TOX3: variants seen among roughly 807,000 people sequenced by gnomAD.
The protein encoded by TOX3 is CAG trinucleotide repeat-containing gene F9 protein.
Under a neutral mutation model 64.3 loss-of-function variants are expected in TOX3, and 22 were observed. That is an observed-to-expected ratio of 0.34 (90% CI 0.24 to 0.49). TOX3 has a LOEUF of 0.49. Among genes scored for constraint, TOX3 ranks in the 20% least tolerant of loss-of-function variants. The probability of loss-of-function intolerance (pLI) is 0.99; values close to 1 mark genes in which losing one functional copy is unlikely to be tolerated. For missense variants in TOX3, 661 were observed against 714.4 expected (o/e 0.93, Z 0.85); for synonymous variants, 291 against 273.6 (o/e 1.06, Z -0.63).
chr16:52,535,481 G>A (rs1596867303), intron 1 of TOX3, among the ~76,000 whole-genome samples: 1 of 152,294 alleles, frequency 6.6e-6, no homozygotes, highest in Non-Finnish European at 1.5e-5. Flanking sequence ...TGAGCCATAA[G>A]GATAAGGGTC....
chr16:52,546,840 G>A lies in TOX3; in HGVS notation c.-117C>T. ...CGCCCGGGGGTGGCGCGTGGGACTCGCGGCCGGAGGGGCGCCGGGACCCAG... is the reference window on the plus strand; with the variant it reads ...CGCCCGGGGGTGGCGCGTGGGACTCACGGCCGGAGGGGCGCCGGGACCCAG... On this transcript the variant is annotated 5_prime_UTR_variant, in exon 1 of 7. Transcript: ENST00000219746. 5 of 1,241,286 alleles carry A rather than the reference G, an allele frequency of 4.0e-6. No homozygotes were observed. Among genetic ancestry groups the A allele is most frequent in the Non-Finnish European group, 4.0e-6 (4 of 992,352 alleles). The allele number at this position is 1,241,286 out of a possible 1,614,324, so 76.9% of individuals were successfully genotyped here.
chr16:52,453,479 C>T (rs750873811), intron 3 of TOX3, among the ~76,000 whole-genome samples: 6 of 152,086 alleles, frequency 3.9e-5, no homozygotes, highest in Non-Finnish European at 7.4e-5. Context: ...GCACCGTGCC[C>T]GGCCCAGAAT....
chr16:52,478,812 G>T (rs1391476597), intron 1 of TOX3, among the ~76,000 whole-genome samples: 2 of 152,080 alleles, frequency 1.3e-5, no homozygotes, highest in African/African-American at 4.8e-5. Context: ...ACTGGGCTTT[G>T]CAAGAAGAAG....
intron 1 of TOX3, among the ~76,000 whole-genome samples, chr16:52,510,493 C>T (rs894283023): frequency 7.2e-5 from 11 of 152,098 alleles, no homozygotes; most frequent in African/African-American, 2.7e-4. Context: ...CGGTGGCTCA[C>T]GCCTGTAATC....
At chr16:52,519,590 G>GAA in intron 1 of TOX3, 37 of 1,230,598 alleles carry the variant, frequency 3.0e-5, no homozygotes, top group Admixed American at 2.0e-4. Context: ...CTGAGCAGAC[G>GAA]AAAAAAAAAA....
In TOX3 at chr16:52,495,746, T is replaced by C. The variant is rs45439792; in HGVS notation, c.88-27172A>G. ...ATATACAACCTCCAAATTCTTCCACTAGGCACTTGATCCTAAAATTTCACC... is the reference window on the plus strand; with the variant it reads ...ATATACAACCTCCAAATTCTTCCACCAGGCACTTGATCCTAAAATTTCACC... On this transcript the variant is annotated intron_variant, in intron 1 of 6. Transcript: ENST00000219746. Among the ~76,000 whole-genome samples, 974 of 152,308 alleles carry C rather than the reference T, an allele frequency of 6.4e-3. 4 individuals are homozygous for C. Among genetic ancestry groups the C allele is most frequent in the Non-Finnish European group, 0.01 (683 of 68,018 alleles).
At chr16:52,506,531 C>T (rs1485163261) in intron 1 of TOX3, among the ~76,000 whole-genome samples, 1 of 152,228 alleles carries the variant, frequency 6.6e-6, no homozygotes, top group East Asian at 1.9e-4. Context: ...GGATTCTTGG[C>T]CCTTCTTTTA....
upstream of TOX3, chr16:52,547,341 C>T (rs1963223463): frequency 6.7e-6 from 1 of 148,688 alleles, no homozygotes; most frequent in East Asian, 2.0e-4. Context: ...GCGGCCGCCC[C>T]CTCTCCGGGG....
chr16:52,541,296 C>T (rs1963073203), intron 1 of TOX3, among the ~76,000 whole-genome samples: 1 of 152,296 alleles, frequency 6.6e-6, no homozygotes, highest in African/African-American at 2.4e-5. Flanking sequence ...TGTCTGGTGG[C>T]AGTAACCTTT....
chr16:52,448,000 C>CA (rs1458586196), intron 4 of TOX3, among the ~76,000 whole-genome samples: 1 of 151,688 alleles, frequency 6.6e-6, no homozygotes, highest in Non-Finnish European at 1.5e-5. Flanking sequence ...CTCTGTAAAA[C>CA]AATATTCAAA....
At chr16:52,487,769 T>C (rs985437559) in intron 1 of TOX3, among the ~76,000 whole-genome samples, 1 of 152,220 alleles carries the variant, frequency 6.6e-6, no homozygotes, top group African/African-American at 2.4e-5. Flanking sequence ...AAGAAATTTC[T>C]GACAAAACTT....
At chr16:52,467,873 A>AT (rs1960916045) in intron 2 of TOX3, among the ~76,000 whole-genome samples, 1 of 152,202 alleles carries the variant, frequency 6.6e-6, no homozygotes, top group African/African-American at 2.4e-5. Context: ...GAGGTGCTGC[A>AT]TTTTGATTCC....
chr16:52,485,267 T>TATATATATATATATATATATATATAC (rs1163640369), intron 1 of TOX3, among the ~76,000 whole-genome samples: 1 of 137,850 alleles, frequency 7.3e-6, no homozygotes, highest in African/African-American at 2.6e-5. Flanking sequence ...TATATATATA[T>TATATATATATATATATATATATATAC]ATATACATAT....
rs546136865 is a variant in TOX3 at position 52,448,299 on chromosome 16, C to T, written c.678+1978G>A. Among the ~76,000 whole-genome samples, 24 of 152,280 alleles carry T rather than the reference C, an allele frequency of 1.6e-4. No homozygotes were observed. In the East Asian group the frequency reaches 3.3e-3, roughly 21 times the overall value. ...TGCCTTTACACAAAACCTAGACCCT[C>T]GCTTAAAATGGAGCAAGCTAGGAGT... On this transcript the variant is annotated intron_variant, in intron 4 of 6. Transcript: ENST00000219746.
intron 1 of TOX3, among the ~76,000 whole-genome samples, chr16:52,478,437 G>A (rs1055502903): frequency 3.3e-5 from 5 of 152,124 alleles, no homozygotes; most frequent in South Asian, 2.1e-4. Flanking sequence ...TAGCTAAAAG[G>A]ACCTCCATGT....
intron 1 of TOX3, among the ~76,000 whole-genome samples, chr16:52,522,573 C>T (rs1962634340): frequency 6.6e-6 from 1 of 152,114 alleles, no homozygotes; most frequent in African/African-American, 2.4e-5. Context: ...GTTTGTGAGC[C>T]CTGTCCTTCT....
chr16:52,511,974 G>A (rs1037949546), intron 1 of TOX3, among the ~76,000 whole-genome samples: 14 of 152,162 alleles, frequency 9.2e-5, no homozygotes, highest in Non-Finnish European at 1.3e-4. Context: ...AGAGAACTTG[G>A]AATCAGAAAT....
chr16:52,535,543 C>T (rs368839941), intron 1 of TOX3, among the ~76,000 whole-genome samples: 1 of 152,176 alleles, frequency 6.6e-6, no homozygotes, highest in African/African-American at 2.4e-5. Flanking sequence ...AGCCTCCATA[C>T]TAGCCTTGGA....
chr16:52,479,787 T>C (rs1238101039), intron 1 of TOX3, among the ~76,000 whole-genome samples: 1 of 152,208 alleles, frequency 6.6e-6, no homozygotes, highest in African/African-American at 2.4e-5. Flanking sequence ...TGTGACCTGT[T>C]ATAAATCCCA....
Sources: allele counts gnomAD v4.1 joint callset (sites outside exome capture counted in the v4.1 genomes callset), GRCh38; gene constraint gnomAD v4.1.1; transcripts MANE v1.5; gene names NCBI Gene and HGNC (gene_info 2026-07-23, HGNC 2026-07-21).